IRAK1BP1: variants seen among roughly 807,000 people sequenced by gnomAD.
IRAK1BP1 encodes interleukin-1 receptor-associated kinase 1-binding protein 1.
Under a neutral mutation model 28.0 loss-of-function variants are expected in IRAK1BP1, and 24 were observed. The observed-to-expected ratio is 0.86, with a 90% CI of 0.62 to 1.20. IRAK1BP1 has a LOEUF of 1.20. Among genes scored for constraint, IRAK1BP1 ranks in the 50% most tolerant of loss-of-function variants. The pLI is 0.00. For synonymous variants in IRAK1BP1, 131 were observed against 116.3 expected, an observed-to-expected ratio of 1.13 and a Z score of -0.81; for missense variants, 336 against 316.7, an observed-to-expected ratio of 1.06 and a Z score of -0.46.
At position 78,918,334 on chromosome 6, in the gene IRAK1BP1, G is replaced by T. The variant is rs140444087; in HGVS notation, c.*67+15224G>T. 5.6e-3 allele frequency among the ~76,000 whole-genome samples: 850 copies of T among 151,920 alleles called. 6 individuals are homozygous for T. The highest frequency in any genetic ancestry group is 0.02 in the African/African-American group (823 of 41,420). ...TTTTTAAAATATCAATATTAACCCA[G>T]TATACACGTATCAATATTAACCCTG... is the stretch of plus-strand genomic sequence containing the variant. On this transcript the variant is annotated intron_variant and NMD_transcript_variant, in intron 4 of 4. Coordinates refer to the IRAK1BP1 transcript ENST00000606868.
chr6:78,951,799 T>TA, the IRAK1BP1 span, among the ~76,000 whole-genome samples: 1 of 152,232 alleles, frequency 6.6e-6, no homozygotes, highest in Admixed American at 6.5e-5. Context: ...TTCATTTGCC[T>TA]ATTGTCTCAG....
the IRAK1BP1 span, chr6:78,965,695 ACAC>A: frequency 6.8e-7 from 1 of 1,480,654 alleles, no homozygotes; most frequent in African/African-American, 1.4e-5. Flanking sequence ...AGCCTAACAC[ACAC>A]TTACCATTAT....
At chr6:78,967,877 G>A in the IRAK1BP1 span, among the ~76,000 whole-genome samples, 1 of 152,128 alleles carries the variant, frequency 6.6e-6, no homozygotes, top group African/African-American at 2.4e-5. Context: ...GCTCATGCCT[G>A]TAATCCTAGC....
chr6:78,940,040 T>A (rs1322287364), intron 4 of IRAK1BP1: 1 of 143,288 alleles, frequency 7.0e-6, no homozygotes, highest in Non-Finnish European at 1.5e-5. Context: ...TGTTTTCCAA[T>A]GTGGATATGT....
downstream of IRAK1BP1, among the ~76,000 whole-genome samples, chr6:78,906,378 T>A (rs1772260648): frequency 6.6e-6 from 1 of 152,176 alleles, no homozygotes; most frequent in South Asian, 2.1e-4. Flanking sequence ...AAAGTACATA[T>A]TTTTCCGAAA....
At position 78,918,936 on chromosome 6, in the gene IRAK1BP1, T is replaced by A. The variant is rs138004947; in HGVS notation, c.*67+15826T>A. ...CTGCAAATGAAGCATACTCCAAGAT[T>A]GACCACATGCTTGGCCATAAAGCAA... On this transcript the variant is annotated intron_variant and NMD_transcript_variant, in intron 4 of 4. Coordinates refer to the IRAK1BP1 transcript ENST00000606868. Among the ~76,000 whole-genome samples, 97 of 152,298 alleles carry A rather than the reference T, an allele frequency of 6.4e-4. 1 individual carries two copies. The South Asian group carries it at 8.1e-3, about 13-fold the overall frequency.
downstream of IRAK1BP1, among the ~76,000 whole-genome samples, chr6:78,905,837 G>A (rs963352768): frequency 2.0e-5 from 3 of 151,958 alleles, no homozygotes; most frequent in Non-Finnish European, 4.4e-5. Context: ...TCCTGACCTC[G>A]TGATCCACCT....
chr6:78,910,947 G>T (rs1454141278), intron 4 of IRAK1BP1, among the ~76,000 whole-genome samples: 1 of 152,232 alleles, frequency 6.6e-6, no homozygotes, highest in Non-Finnish European at 1.5e-5. Flanking sequence ...ACTGGCACCG[G>T]GTCCTGGACG....
intron 4 of IRAK1BP1, among the ~76,000 whole-genome samples, chr6:78,919,038 A>G (rs1409407877): frequency 6.6e-6 from 1 of 152,234 alleles, no homozygotes; most frequent in African/African-American, 2.4e-5. Flanking sequence ...AGAAATTAAT[A>G]CCAAGAAGAT....
chr6:78,878,113 AT>A, intron 1 of IRAK1BP1, among the ~76,000 whole-genome samples: 1 of 152,310 alleles, frequency 6.6e-6, no homozygotes, highest in Non-Finnish European at 1.5e-5. Context: ...GCAGACTTAA[AT>A]GTACCTGTCT....
the IRAK1BP1 span, among the ~76,000 whole-genome samples, chr6:78,962,412 G>A: frequency 6.6e-6 from 1 of 152,028 alleles, no homozygotes; most frequent in Non-Finnish European, 1.5e-5. Flanking sequence ...AATTATTTAA[G>A]GTAGTATTTA....
chr6:78,926,064 CA>C (rs1189871916), intron 4 of IRAK1BP1, among the ~76,000 whole-genome samples: 1 of 151,578 alleles, frequency 6.6e-6, no homozygotes, highest in African/African-American at 2.4e-5. Context: ...GGGTGAAGAT[CA>C]AAAAATGCTC....
At chr6:78,872,592 A>G (rs1245068566) in intron 1 of IRAK1BP1, among the ~76,000 whole-genome samples, 1 of 152,202 alleles carries the variant, frequency 6.6e-6, no homozygotes, top group African/African-American at 2.4e-5. Flanking sequence ...CCAAAATTCA[A>G]AATGCTCCAG....
At chr6:78,880,990 G>T (rs1771210040) in intron 1 of IRAK1BP1, among the ~76,000 whole-genome samples, 1 of 152,118 alleles carries the variant, frequency 6.6e-6, no homozygotes, top group African/African-American at 2.4e-5. Flanking sequence ...GTTAAATATA[G>T]ACTTACCATA....
chr6:78,885,484 G>A (rs1771393358), intron 2 of IRAK1BP1, 41 bp downstream of exon 2: 4 of 973,478 alleles, frequency 4.1e-6, no homozygotes, highest in South Asian at 3.3e-5. Context: ...ATGATTTTGT[G>A]GAGACAGTCA....
intron 4 of IRAK1BP1, among the ~76,000 whole-genome samples, chr6:78,919,842 C>A (rs548980111): frequency 1.3e-5 from 2 of 152,164 alleles, no homozygotes; most frequent in South Asian, 2.1e-4. Context: ...ATGTAGACAG[C>A]ATGAGAAAAG....
At chr6:78,978,259 A>C in the IRAK1BP1 span, among the ~76,000 whole-genome samples, 1,309 of 152,228 alleles carry the variant, frequency 8.6e-3, 22 homozygotes, top group African/African-American at 0.029. Flanking sequence ...TTTTTCCTTT[A>C]ACATGTTATA....
At chr6:78,923,320 CAAGGCCTTTACATAATGGTA>C (rs1181414299) in intron 4 of IRAK1BP1, among the ~76,000 whole-genome samples, 1 of 151,074 alleles carries the variant, frequency 6.6e-6, no homozygotes, top group Non-Finnish European at 1.5e-5. Context: ...TCCAAAGAGA[CAAGGCCTTTACATAATGGTA>C]AAGGTATCAA....
the IRAK1BP1 span, chr6:78,978,626 C>T: frequency 1.3e-6 from 2 of 1,592,374 alleles, no homozygotes; most frequent in Non-Finnish European, 1.7e-6. Context: ...TGGACATCTT[C>T]GGGGAATGGT....
Sources: gnomAD v4.1 joint callset for allele counts (sites outside exome capture counted in the v4.1 genomes callset) on GRCh38, gnomAD v4.1.1 for gene constraint, MANE v1.5 for transcripts, NCBI Gene and HGNC (gene_info 2026-07-23, HGNC 2026-07-21) for gene names.